SLC4A7: variants seen among roughly 807,000 people sequenced by gnomAD.
SLC4A7 encodes the protein solute carrier family 4 member 7, also known as sodium bicarbonate cotransporter 3.
SLC4A7 carries 51 observed loss-of-function variants against 137.6 expected under a neutral mutation model. The ratio of observed to expected loss-of-function variants is 0.37; its 90% CI spans 0.30 to 0.47. The LOEUF (loss-of-function observed/expected upper bound fraction) is 0.47, where lower values mean the gene tolerates loss of function less well. Ranked by LOEUF, SLC4A7 falls within the 20% of genes least tolerant of loss-of-function variation. SLC4A7 has a pLI of 1.00. For synonymous variants in SLC4A7, 542 were observed against 518.6 expected, an observed-to-expected ratio of 1.05 and a Z score of -0.61; for missense variants, 1,247 against 1,525.4, an observed-to-expected ratio of 0.82 and a Z score of 3.04.
At chr3:27,383,376 G>A in intron 23 of SLC4A7, 126 bp from the exon 24 acceptor site, 2 of 685,366 alleles carry the variant, frequency 2.9e-6, no homozygotes, top group Non-Finnish European at 5.0e-6. Context: ...TGCCATTACT[G>A]AAAAATTTTA....
chr3:27,479,423 C>CAA (rs56385410), intron 1 of SLC4A7, among the ~76,000 whole-genome samples: 22,299 of 142,192 alleles, frequency 0.16, 1,752 homozygotes, highest in African/African-American at 0.24. Context: ...GCCTCAGCAA[C>CAA]AAAAAAAAAA....
intron 8 of SLC4A7, among the ~76,000 whole-genome samples, chr3:27,422,397 A>G (rs1559724230): frequency 6.6e-6 from 1 of 152,114 alleles, no homozygotes; most frequent in East Asian, 1.9e-4. Context: ...CCTCCCGAGT[A>G]GCTGAGACTA....
intron 1 of SLC4A7, among the ~76,000 whole-genome samples, chr3:27,462,177 A>T (rs1167806552): frequency 6.6e-6 from 1 of 152,178 alleles, no homozygotes; most frequent in East Asian, 1.9e-4. Flanking sequence ...AGACACAGAC[A>T]CTTTTGTACT....
intron 1 of SLC4A7, among the ~76,000 whole-genome samples, chr3:27,453,134 A>G (rs2058187933): frequency 6.6e-6 from 1 of 152,236 alleles, no homozygotes; most frequent in Admixed American, 6.5e-5. Context: ...CAAAAAGACT[A>G]AACATATTTA....
chr3:27,378,345 T>C, intron 25 of SLC4A7, among the ~76,000 whole-genome samples: 1 of 152,160 alleles, frequency 6.6e-6, no homozygotes, highest in East Asian at 1.9e-4. Flanking sequence ...AGAAAAGTTT[T>C]CATCTGATGC....
chr3:27,391,424 T>G (rs2051543134), intron 21 of SLC4A7, among the ~76,000 whole-genome samples: 1 of 152,194 alleles, frequency 6.6e-6, no homozygotes, highest in Non-Finnish European at 1.5e-5. Context: ...CCTTTTTAAG[T>G]ACCAAAACTT....
At chr3:27,404,584 G>A (rs1301231817) in intron 14 of SLC4A7, among the ~76,000 whole-genome samples, 1 of 152,156 alleles carries the variant, frequency 6.6e-6, no homozygotes, top group Non-Finnish European at 1.5e-5. Flanking sequence ...TAGCCCTCAA[G>A]TGATCTGCTT....
At chr3:27,461,608 A>C (rs1172849938) in intron 1 of SLC4A7, among the ~76,000 whole-genome samples, 1 of 146,452 alleles carries the variant, frequency 6.8e-6, no homozygotes, top group South Asian at 2.1e-4. Flanking sequence ...CTCGTTTACA[A>C]AAAAAAAAAA....
rs536450333 is a variant in SLC4A7, at chr3:27,452,394, T to A, written c.142+23A>T. ...TAGTAAATTATCCTACTAAGCGAAG[T>A]AAGTTATTTTAAACCAACTTACTTT... On this transcript the variant is annotated intron_variant, in intron 2 of 25. Transcript: ENST00000454389. The A allele has an allele frequency of 3.6e-5, 53 of 1,471,130 alleles. No homozygotes were observed. In the Middle Eastern group the frequency reaches 5.1e-4, roughly 14 times the overall value. 91.1% of individuals were successfully genotyped at this position (1,471,130 alleles called of 1,614,324 possible). A position where few individuals can be genotyped will look rare whatever the true frequency, so the allele number is the denominator to read the frequency against.
intron 21 of SLC4A7, 68 bp downstream of exon 21, chr3:27,391,672 T>C (rs2307033): frequency 0.039 from 36,301 of 928,794 alleles, 916 homozygotes; most frequent in East Asian, 0.073. Flanking sequence ...CTACCATCAT[T>C]AAAACAATCT....
At chr3:27,426,741 T>C (rs1181900754) in intron 7 of SLC4A7, among the ~76,000 whole-genome samples, 2 of 152,194 alleles carry the variant, frequency 1.3e-5, no homozygotes, top group Non-Finnish European at 2.9e-5. Flanking sequence ...TTTTCAAAAC[T>C]GGCACACTGG....
intron 7 of SLC4A7, 91 bp downstream of exon 7, chr3:27,431,207 T>C (rs2056241232): frequency 1.6e-6 from 2 of 1,281,308 alleles, no homozygotes; most frequent in Non-Finnish European, 2.1e-6. Context: ...ATTATCTACA[T>C]ATGCTGCTTA....
chr3:27,412,594 T>C (rs972857190), intron 11 of SLC4A7, among the ~76,000 whole-genome samples: 1 of 152,186 alleles, frequency 6.6e-6, no homozygotes, highest in Non-Finnish European at 1.5e-5. Context: ...AAATCTCACT[T>C]ACAAAATTTC....
In SLC4A7 at chr3:27,390,837, T is replaced by C. The variant is rs548953269; in HGVS notation, c.3187-733A>G. ...TTTTTGTGTGTGTTTGTTTGTTTGT[T>C]TTTTGAGACAGGGTCTCACTCTGTC... On this transcript the variant is annotated intron_variant, in intron 21 of 25. Coordinates refer to ENST00000454389, the MANE Select transcript of SLC4A7 (RefSeq NM_001321103.2). Among the ~76,000 whole-genome samples the C allele has an allele frequency of 5.3e-5, 8 of 152,232 alleles. No individual in the cohort carries two copies. In the South Asian group the frequency reaches 1.7e-3, roughly 32 times the overall value.
chr3:27,420,360 A>T (rs73824927), intron 10 of SLC4A7, among the ~76,000 whole-genome samples: 4,657 of 152,084 alleles, frequency 0.031, 245 homozygotes, highest in African/African-American at 0.11. Flanking sequence ...TATCAGAGAA[A>T]TTTACAGGAA....
At chr3:27,483,883 C>A (rs1431927901) in intron 1 of SLC4A7, among the ~76,000 whole-genome samples, 184 bp downstream of exon 1, 1 of 150,656 alleles carries the variant, frequency 6.6e-6, no homozygotes, top group Non-Finnish European at 1.5e-5. Flanking sequence ...CTGGCCCCCT[C>A]CCACCCGCGC....
chr3:27,478,293 G>A (rs1274106744), intron 1 of SLC4A7, among the ~76,000 whole-genome samples: 3 of 152,006 alleles, frequency 2.0e-5, no homozygotes, highest in Admixed American at 6.5e-5. Flanking sequence ...TGAGGTGGGC[G>A]GATGACCTGA....
intron 4 of SLC4A7, 76 bp from the exon 5 acceptor site, chr3:27,436,624 A>C: frequency 1.1e-6 from 1 of 914,758 alleles, no homozygotes. Context: ...ATAAAGAAAC[A>C]TTTGTTCTTT....
intron 7 of SLC4A7, chr3:27,424,477 G>A (rs1283250088): frequency 1.7e-5 from 3 of 180,768 alleles, no homozygotes; most frequent in Non-Finnish European, 3.4e-5. Flanking sequence ...AAATACTTAG[G>A]GAATATACTT....
Sources: gnomAD v4.1 joint callset for allele counts (sites outside exome capture counted in the v4.1 genomes callset) on GRCh38, gnomAD v4.1.1 for gene constraint, MANE v1.5 for transcripts, NCBI Gene and HGNC (gene_info 2026-07-23, HGNC 2026-07-21) for gene names.